Variants in JCAD observed in about 807,000 individuals in gnomAD.
JCAD encodes junctional cadherin 5-associated protein.
A neutral mutation model predicts 98.0 loss-of-function variants in JCAD; 40 were observed. The ratio of observed to expected loss-of-function variants is 0.41; its 90% CI spans 0.32 to 0.53. The LOEUF (loss-of-function observed/expected upper bound fraction) is 0.53, where lower values mean the gene tolerates loss of function less well. Ranked by LOEUF, JCAD falls within the 20% of genes least tolerant of loss-of-function variation. The probability of loss-of-function intolerance (pLI) is 0.31; values close to 1 mark genes in which losing one functional copy is unlikely to be tolerated. For missense variants in JCAD, 1,705 were observed against 1,738.1 expected, an observed-to-expected ratio of 0.98 and a Z score of 0.34; for synonymous variants, 691 against 682.3, an observed-to-expected ratio of 1.01 and a Z score of -0.20.
intron 1 of JCAD, among the ~76,000 whole-genome samples, chr10:30,048,342 A>G (rs1402386390): frequency 1.3e-5 from 2 of 152,210 alleles, no homozygotes; most frequent in Non-Finnish European, 2.9e-5. Flanking sequence ...TCTTGTAGAC[A>G]TACCTTCTGC....
In JCAD at chr10:30,093,909, C is replaced by T. The variant is rs575161692; in HGVS notation, n.128+21458G>A. On this transcript the variant is annotated intron_variant and non_coding_transcript_variant, in intron 1 of 2. Transcript: ENST00000465712. ...TAGAATATTGGATGACTGACTATTGCCCACACTAATTGGGTCCTCTCCTGA... is the reference window on the plus strand; with the variant it reads ...TAGAATATTGGATGACTGACTATTGTCCACACTAATTGGGTCCTCTCCTGA... Among the ~76,000 whole-genome samples the T allele has an allele frequency of 1.4e-4, 22 of 152,290 alleles. 3 individuals are homozygous for T. The South Asian group carries it at 4.6e-3, about 32-fold the overall frequency.
intron 1 of JCAD, among the ~76,000 whole-genome samples, chr10:30,114,385 CTGAT>C (rs1427338924): frequency 2.0e-5 from 3 of 152,116 alleles, no homozygotes; most frequent in Non-Finnish European, 4.4e-5. Flanking sequence ...TGACTGACAA[CTGAT>C]TGATTGATTT....
intron 1 of JCAD, among the ~76,000 whole-genome samples, chr10:30,084,934 A>G (rs1838144480): frequency 6.6e-6 from 1 of 152,108 alleles, no homozygotes; most frequent in Non-Finnish European, 1.5e-5. Flanking sequence ...ACGGATAGCA[A>G]TTATTTGCAC....
At chr10:30,048,723 G>T (rs1029390675) in intron 1 of JCAD, among the ~76,000 whole-genome samples, 3 of 151,948 alleles carry the variant, frequency 2.0e-5, no homozygotes, top group Non-Finnish European at 4.4e-5. Context: ...ATGCCACCAC[G>T]CCTGGCTAAT....
At chr10:30,089,567 G>A (rs953300910) in intron 1 of JCAD, among the ~76,000 whole-genome samples, 2 of 149,402 alleles carry the variant, frequency 1.3e-5, no homozygotes, top group Admixed American at 6.7e-5. Context: ...ACTAATGGCT[G>A]TCAGGGATGG....
At chr10:30,082,865 AAAAAAAAAAAAAC>A (rs1383727152) in intron 1 of JCAD, among the ~76,000 whole-genome samples, 49 of 149,220 alleles carry the variant, frequency 3.3e-4, no homozygotes, top group African/African-American at 1.1e-3. Flanking sequence ...AAAAAAAAAA[AAAAAAAAAAAAAC>A]AAAAAATTAG....
Position 30,031,602 on chromosome 10 carries a change from C to T in JCAD, c.282-1736G>A, listed in dbSNP as rs1470944819. On this transcript the variant is annotated intron_variant, in intron 2 of 3. Transcript: ENST00000375377. Reference sequence around the variant, plus strand: ...GATTACAGGCACCTGCCACCACACCCGGCTAATTTTTGTATTTTTAGTAGA... The same window carrying T: ...GATTACAGGCACCTGCCACCACACCTGGCTAATTTTTGTATTTTTAGTAGA... Among the ~76,000 whole-genome samples the T allele has an allele frequency of 4.0e-5, 6 of 151,378 alleles. 1 individual carries two copies. The highest frequency in any genetic ancestry group is 6.6e-5 in the Admixed American group (1 of 15,176).
rs752694008 is a variant in JCAD, at chr10:30,026,235, G to C, written c.3913C>G (p.Pro1305Ala). 1.2e-6 allele frequency: 2 copies of C among 1,614,002 alleles called. No homozygotes were observed. The highest frequency in any genetic ancestry group is 1.7e-6 in the Non-Finnish European group (2 of 1,180,050). ...QAGLPGGLVS[P>A]GSGDRAQRLG... is the part of the protein sequence containing the mutation. The stretch of plus-strand genomic sequence containing the variant: ...CTCTGGGCACGGTCCCCACTGCCAG[G>C]AGACACAAGGCCTCCCGGGAGCCCG... Residue 1305 changes from proline (P) to alanine (A), a missense_variant, in exon 3 of 4, where the codon CCT becomes GCT. Transcript: ENST00000375377.
Position 30,072,936 on chromosome 10 carries a change from C to A in JCAD, n.129-3115G>T, listed in dbSNP as rs1262081809. ...TACAGGTGTGAACCACCGCACCCAG[C>A]CACAATTTCTTTGATTCTAATGTGC... On this transcript the variant is annotated intron_variant and non_coding_transcript_variant, in intron 1 of 2. Coordinates refer to the JCAD transcript ENST00000465712. Among the ~76,000 whole-genome samples, 3 of 152,332 alleles carry A rather than the reference C, an allele frequency of 2.0e-5. No homozygotes were observed. The East Asian group carries it at 5.8e-4, about 29-fold the overall frequency.
intron 1 of JCAD, among the ~76,000 whole-genome samples, chr10:30,102,973 C>A (rs1838497029): frequency 1.3e-5 from 2 of 152,238 alleles, no homozygotes. Context: ...AAGACCCACC[C>A]CCATGATTCA....
chr10:30,087,409 G>A (rs893724314), intron 1 of JCAD, among the ~76,000 whole-genome samples: 2 of 151,940 alleles, frequency 1.3e-5, no homozygotes, highest in East Asian at 1.9e-4. Flanking sequence ...ATTGCACTCC[G>A]GCCTGGGTGA....
intron 1 of JCAD, among the ~76,000 whole-genome samples, chr10:30,114,132 C>T (rs1838752622): frequency 6.6e-6 from 1 of 152,098 alleles, no homozygotes; most frequent in Non-Finnish European, 1.5e-5. Flanking sequence ...ACTTAGTTCC[C>T]CGTGCACAAT....
At chr10:30,062,507 A>G (rs558578559), upstream of JCAD, among the ~76,000 whole-genome samples, 8 of 152,340 alleles carry the variant, frequency 5.3e-5, no homozygotes, top group Non-Finnish European at 1.2e-4. Context: ...AGATCTGGGA[A>G]TAGAATTAAC....
At chr10:30,108,812 C>T (rs1838634545) in intron 1 of JCAD, among the ~76,000 whole-genome samples, 1 of 151,392 alleles carries the variant, frequency 6.6e-6, no homozygotes, top group Non-Finnish European at 1.5e-5. Context: ...AAGAGAAAAT[C>T]CCTGTGAAAT....
At chr10:30,086,205 C>A (rs767735559) in intron 1 of JCAD, among the ~76,000 whole-genome samples, 3 of 152,078 alleles carry the variant, frequency 2.0e-5, no homozygotes, top group Non-Finnish European at 4.4e-5. Context: ...GATTAACTAT[C>A]TTAAAAAAAA....
At chr10:30,089,715 G>T (rs1346834685) in intron 1 of JCAD, among the ~76,000 whole-genome samples, 1 of 152,096 alleles carries the variant, frequency 6.6e-6, no homozygotes, top group East Asian at 1.9e-4. Context: ...TTATTCAAAG[G>T]GGTAAGAAGT....
intron 1 of JCAD, among the ~76,000 whole-genome samples, chr10:30,107,114 AT>A (rs1838599387): frequency 6.6e-6 from 1 of 151,122 alleles, no homozygotes; most frequent in African/African-American, 2.4e-5. Context: ...ACAAATACTC[AT>A]TTGATTGTCA....
chr10:30,019,619 A>T (rs1836615723), intron 3 of JCAD, among the ~76,000 whole-genome samples: 1 of 151,888 alleles, frequency 6.6e-6, no homozygotes, highest in South Asian at 2.1e-4. Flanking sequence ...GGCTGGGGTG[A>T]AGGAAAAGGG....
chr10:30,026,043 T>G (rs1304425215), intron 3 of JCAD, 60 bp downstream of exon 3: 2 of 1,594,052 alleles, frequency 1.3e-6, no homozygotes, highest in Non-Finnish European at 1.7e-6. Flanking sequence ...CCTGGTATTT[T>G]GTACTGACTA....
Sources: allele counts gnomAD v4.1 joint callset (sites outside exome capture counted in the v4.1 genomes callset), GRCh38; gene constraint gnomAD v4.1.1; transcripts MANE v1.5; gene names NCBI Gene and HGNC (gene_info 2026-07-23, HGNC 2026-07-21).